The following UBE2G2 variants were observed in gnomAD, a reference collection of about 807,000 sequenced individuals.
UBE2G2 encodes ubiquitin conjugating enzyme E2 G2.
In UBE2G2, 10 loss-of-function variants were observed where a neutral mutation model predicts 23.0. That is an observed-to-expected ratio of 0.43 (90% CI 0.27 to 0.74). The LOEUF (loss-of-function observed/expected upper bound fraction) is 0.74, where lower values mean the gene tolerates loss of function less well. Ranked by LOEUF, UBE2G2 falls within the 30% of genes least tolerant of loss-of-function variation. UBE2G2 has a pLI of 0.19. For synonymous variants in UBE2G2, 86 were observed against 81.3 expected, an observed-to-expected ratio of 1.06 and a Z score of -0.31; for missense variants, 150 against 218.3, an observed-to-expected ratio of 0.69 and a Z score of 1.97.
chr21:44,774,233 A>T (rs536284010), intron 4 of UBE2G2: 1 of 154,694 alleles, frequency 6.5e-6, no homozygotes, highest in Admixed American at 6.5e-5. Flanking sequence ...TCATCAGTAC[A>T]ACCTGGAATG....
intron 3 of UBE2G2, among the ~76,000 whole-genome samples, chr21:44,783,134 G>T (rs1316966990): frequency 3.3e-5 from 5 of 152,292 alleles, no homozygotes; most frequent in African/African-American, 1.2e-4. Flanking sequence ...GTTCACCAAA[G>T]AAGATACATG....
At chr21:44,782,394 T>C (rs4239838) in intron 3 of UBE2G2, among the ~76,000 whole-genome samples, 57,350 of 152,074 alleles carry the variant, frequency 0.38, 11,320 homozygotes, top group South Asian at 0.45. Flanking sequence ...TATCTAAAGA[T>C]TCAATGTAGT....
chr21:44,795,631 C>CA lies in UBE2G2; in HGVS notation c.43+6074dup, dbSNP rs1251491289. 2.3e-3 allele frequency among the ~76,000 whole-genome samples: 282 copies of CA among 122,714 alleles called. 1 individual carries two copies. The highest frequency in any genetic ancestry group is 0.021 in the South Asian group (78 of 3,692). The allele number at this position is 122,714 out of a possible 152,430, so 80.5% of individuals were successfully genotyped here. On this transcript the variant is annotated intron_variant, in intron 1 of 5. Transcript: ENST00000345496. ...CGAGTGACAGAGTGAGAACCTGTCT[C>CA]AAAAAAAAAAAGAAAGAAAGAAAGA...
At chr21:44,790,640 A>C (rs1206516168) in intron 1 of UBE2G2, among the ~76,000 whole-genome samples, 2 of 152,192 alleles carry the variant, frequency 1.3e-5, no homozygotes, top group Non-Finnish European at 2.9e-5. Context: ...CCACCTTGTG[A>C]AGAAGGTGCT....
rs537895886 is a variant in UBE2G2 at position 44,801,773 on chromosome 21, G to C, written c.-25C>G. On this transcript the variant is annotated 5_prime_UTR_variant, in exon 1 of 6. Coordinates refer to ENST00000345496, the MANE Select transcript of UBE2G2 (RefSeq NM_003343.6). Reference sequence around the variant, plus strand: ...TGGCCCCGCAACAGCTGCGCCGAGCGACCTCGCCTCAGCCGCGCGCGTGCC... The same window carrying C: ...TGGCCCCGCAACAGCTGCGCCGAGCCACCTCGCCTCAGCCGCGCGCGTGCC... 1 of 1,510,866 alleles carries C rather than the reference G, an allele frequency of 6.6e-7. No homozygotes were observed. The allele number at this position is 1,510,866 out of a possible 1,614,324, so 93.6% of individuals were successfully genotyped here. A position where few individuals can be genotyped will look rare whatever the true frequency, so the allele number is the denominator to read the frequency against.
chr21:44,779,371 T>TC (rs797032622), intron 3 of UBE2G2, among the ~76,000 whole-genome samples: 3 of 75,406 alleles, frequency 4.0e-5, no homozygotes, highest in Non-Finnish European at 7.7e-5. Context: ...GGAGCTGGGG[T>TC]GGGGGGGGGG....
intron 1 of UBE2G2, among the ~76,000 whole-genome samples, chr21:44,791,399 TGCA>T (rs2083043362): frequency 6.6e-6 from 1 of 152,146 alleles, no homozygotes; most frequent in Admixed American, 6.5e-5. Context: ...TGCTACTCTG[TGCA>T]GCCTTGGTAC....
Position 44,772,950 on chromosome 21 carries a change from C to A in UBE2G2, c.385+597G>T, listed in dbSNP as rs2082885041. 6.6e-6 allele frequency among the ~76,000 whole-genome samples: 1 copy of A among 152,238 alleles called. No individual in the cohort carries two copies. The highest frequency in any genetic ancestry group is 1.5e-5 in the Non-Finnish European group (1 of 68,048). ...CTGCTGGGGCTCCTCTCCCTGCAGC[C>A]TTGGCTCCAGCCAAAATGAGCTGGC... On this transcript the variant is annotated intron_variant, in intron 5 of 5. Coordinates refer to ENST00000345496, the MANE Select transcript of UBE2G2 (RefSeq NM_003343.6). The surrounding 1 kb of genome is among the most constrained non-coding windows in gnomAD (Gnocchi z 5.4).
intron 3 of UBE2G2, among the ~76,000 whole-genome samples, 157 bp from the exon 4 acceptor site, chr21:44,777,574 G>A (rs1418597794): frequency 6.6e-6 from 1 of 152,182 alleles, no homozygotes; most frequent in East Asian, 1.9e-4. Flanking sequence ...TTGGAAGGCC[G>A]AGACAGGCAG....
At chr21:44,790,171 G>C (rs1208435617) in intron 1 of UBE2G2, among the ~76,000 whole-genome samples, 2 of 152,160 alleles carry the variant, frequency 1.3e-5, no homozygotes, top group Non-Finnish European at 2.9e-5. Context: ...AGTATCTTTA[G>C]TCACAAAAGA....
intron 1 of UBE2G2, among the ~76,000 whole-genome samples, chr21:44,799,157 G>A (rs1272559631): frequency 2.0e-5 from 3 of 152,116 alleles, no homozygotes; most frequent in African/African-American, 7.2e-5. Flanking sequence ...TGTCATCCAG[G>A]TTGTTTTTCC....
At chr21:44,797,937 T>A (rs959555651) in intron 1 of UBE2G2, among the ~76,000 whole-genome samples, 3 of 152,030 alleles carry the variant, frequency 2.0e-5, no homozygotes, top group African/African-American at 7.3e-5. Flanking sequence ...ATGAACATTG[T>A]CAGAATCAAA....
intron 1 of UBE2G2, among the ~76,000 whole-genome samples, chr21:44,791,609 C>T (rs1555962953): frequency 6.6e-6 from 1 of 152,224 alleles, no homozygotes; most frequent in East Asian, 1.9e-4. Flanking sequence ...TAGGGAAACG[C>T]CTGGATGTCC....
At chr21:44,798,594 T>C (rs2146409563) in intron 1 of UBE2G2, among the ~76,000 whole-genome samples, 1 of 152,356 alleles carries the variant, frequency 6.6e-6, no homozygotes, top group Admixed American at 6.5e-5. Context: ...CAAGAATCAC[T>C]TCTTTGCTCA....
chr21:44,792,380 C>T (rs1174945973), intron 1 of UBE2G2, among the ~76,000 whole-genome samples: 2 of 152,098 alleles, frequency 1.3e-5, no homozygotes, highest in Admixed American at 1.3e-4. Flanking sequence ...AAGTGTTGAG[C>T]GAGGAACCTG....
At chr21:44,798,372 C>G (rs2083110435) in intron 1 of UBE2G2, among the ~76,000 whole-genome samples, 2 of 152,110 alleles carry the variant, frequency 1.3e-5, no homozygotes, top group Admixed American at 1.3e-4. Context: ...ATTAAGTTTG[C>G]CACAGGGACT....
At chr21:44,797,399 G>A (rs547913321) in intron 1 of UBE2G2, among the ~76,000 whole-genome samples, 1 of 152,318 alleles carries the variant, frequency 6.6e-6, no homozygotes, top group East Asian at 1.9e-4. Context: ...TTCCTATGCA[G>A]GGGTTTAATG....
intron 4 of UBE2G2, 170 bp from the exon 5 acceptor site, chr21:44,773,857 G>A (rs1302784172): frequency 2.2e-6 from 2 of 914,926 alleles, no homozygotes; most frequent in Non-Finnish European, 3.1e-6. Context: ...CATGTCTGCA[G>A]GAATCCCGGT....
At chr21:44,798,955 G>A (rs1385384761) in intron 1 of UBE2G2, among the ~76,000 whole-genome samples, 2 of 152,212 alleles carry the variant, frequency 1.3e-5, no homozygotes, top group African/African-American at 4.8e-5. Flanking sequence ...AGTGCTCCCG[G>A]ATCCATGGGC....
Sources: gnomAD v4.1 joint callset for allele counts (sites outside exome capture counted in the v4.1 genomes callset) on GRCh38, gnomAD v4.1.1 for gene constraint, Gnocchi (gnomAD v3.1) non-coding constraint, MANE v1.5 for transcripts, NCBI Gene and HGNC (gene_info 2026-07-23, HGNC 2026-07-21) for gene names.